The following ACTN1 variants were observed in gnomAD, a reference collection of about 807,000 sequenced individuals.
The protein encoded by ACTN1 is actinin alpha 1.
Under a neutral mutation model 119.6 loss-of-function variants are expected in ACTN1, and 30 were observed. That is an observed-to-expected ratio of 0.25 (90% CI 0.19 to 0.34). The LOEUF (loss-of-function observed/expected upper bound fraction) is 0.34. ACTN1 is among the 10% of genes least tolerant of loss of function. The pLI is 1.00. For synonymous variants in ACTN1, 429 were observed against 472.6 expected, an observed-to-expected ratio of 0.91 and a Z score of 1.20; for missense variants, 764 against 1,223.4, an observed-to-expected ratio of 0.62 and a Z score of 5.60.
At chr14:68,900,407 A>G (rs2140224585) in intron 8 of ACTN1, among the ~76,000 whole-genome samples, 1 of 151,362 alleles carries the variant, frequency 6.6e-6, no homozygotes, top group East Asian at 2.0e-4. Context: ...TCTGGTCTGG[A>G]CTCCCTGGAG....
chr14:68,964,441 C>T (rs11627719), intron 1 of ACTN1, among the ~76,000 whole-genome samples: 9,837 of 152,170 alleles, frequency 0.065, 447 homozygotes, highest in Non-Finnish European at 0.1. Context: ...GTATGGGGCC[C>T]GGGAGGGTGG....
intron 11 of ACTN1, chr14:68,887,779 A>T (rs2032141317): frequency 2.6e-5 from 28 of 1,064,640 alleles, no homozygotes; most frequent in Non-Finnish European, 3.5e-5. Flanking sequence ...GACATGGTAT[A>T]TGGTATTAAT....
At chr14:68,935,883 T>C (rs1480360045) in intron 1 of ACTN1, among the ~76,000 whole-genome samples, 1 of 152,208 alleles carries the variant, frequency 6.6e-6, no homozygotes, top group Non-Finnish European at 1.5e-5. Flanking sequence ...ACTCACGTGC[T>C]GGCCACACCT....
At chr14:68,951,566 G>C (rs111349237) in intron 1 of ACTN1, among the ~76,000 whole-genome samples, 2 of 152,294 alleles carry the variant, frequency 1.3e-5, no homozygotes, top group African/African-American at 4.8e-5. Flanking sequence ...CTAGCTGTGT[G>C]CCCTTGACTC....
At chr14:68,962,536 C>T (rs1274923474) in intron 1 of ACTN1, among the ~76,000 whole-genome samples, 1 of 152,152 alleles carries the variant, frequency 6.6e-6, no homozygotes, top group Non-Finnish European at 1.5e-5. Flanking sequence ...GAGCCCTCCT[C>T]CCTCCACACC....
intron 20 of ACTN1, chr14:68,877,480 G>T: frequency 1.9e-6 from 1 of 517,476 alleles, no homozygotes; most frequent in Non-Finnish European, 3.4e-6. Context: ...AAATAATCAT[G>T]TTGATAATAA....
At chr14:68,975,230 G>A (rs574168999) in intron 1 of ACTN1, among the ~76,000 whole-genome samples, 5 of 152,310 alleles carry the variant, frequency 3.3e-5, no homozygotes, top group East Asian at 1.9e-4. Flanking sequence ...ACTTGCCAAC[G>A]CTGCCTCTCT....
chr14:68,948,412 T>C (rs1481620792), intron 1 of ACTN1, among the ~76,000 whole-genome samples: 2 of 152,098 alleles, frequency 1.3e-5, no homozygotes, highest in African/African-American at 4.8e-5. Flanking sequence ...CCCCCGTCTC[T>C]ACTAAAAATA....
intron 6 of ACTN1, among the ~76,000 whole-genome samples, chr14:68,907,259 TAAAAAAAAAA>T (rs775481921): frequency 2.7e-5 from 2 of 72,984 alleles, no homozygotes; most frequent in African/African-American, 6.1e-5. Flanking sequence ...AAGACTCTCT[TAAAAAAAAAA>T]AAAAAAAAAA....
chr14:68,943,377 C>T (rs1233207476), intron 1 of ACTN1, among the ~76,000 whole-genome samples: 1 of 152,198 alleles, frequency 6.6e-6, no homozygotes, highest in Admixed American at 6.5e-5. Context: ...CAGGACGGGA[C>T]AAGGGGCTTC....
At chr14:68,876,453 C>T (rs1421155600) in intron 21 of ACTN1, among the ~76,000 whole-genome samples, 1 of 151,092 alleles carries the variant, frequency 6.6e-6, no homozygotes, top group Admixed American at 6.6e-5. Context: ...TTCTACAGAT[C>T]CCCTCAGGTC....
intron 1 of ACTN1, among the ~76,000 whole-genome samples, chr14:68,942,247 G>C (rs1027688316): frequency 2.0e-5 from 3 of 152,124 alleles, no homozygotes; most frequent in Non-Finnish European, 2.9e-5. Context: ...AGGCATGATG[G>C]TGCACCCCTA....
chr14:68,881,011 C>A (rs552842730), intron 16 of ACTN1, 22 bp from the exon 17 acceptor site: 3 of 1,612,400 alleles, frequency 1.9e-6, no homozygotes, highest in Non-Finnish European at 8.5e-7. Flanking sequence ...GAAGGAAGCA[C>A]CTTGTCAGAC....
intron 3 of ACTN1, 34 bp downstream of exon 3, chr14:68,920,972 C>G: frequency 6.2e-7 from 1 of 1,609,680 alleles, no homozygotes; most frequent in Non-Finnish European, 8.5e-7. Flanking sequence ...CAAAGAAAAT[C>G]AGGCTCCTTG....
intron 1 of ACTN1, among the ~76,000 whole-genome samples, chr14:68,965,211 T>C (rs2036667083): frequency 6.6e-6 from 1 of 152,228 alleles, no homozygotes; most frequent in Non-Finnish European, 1.5e-5. Context: ...ATGGACCTCA[T>C]CCCTTTATCT....
intron 1 of ACTN1, among the ~76,000 whole-genome samples, chr14:68,944,273 AAGCCGATGAT>A (rs1451908615): frequency 6.6e-6 from 1 of 152,256 alleles, no homozygotes; most frequent in Non-Finnish European, 1.5e-5. Flanking sequence ...AGGGGCCACC[AAGCCGATGAT>A]GTGTGCCAGA....
intron 1 of ACTN1, among the ~76,000 whole-genome samples, chr14:68,948,635 G>A (rs188075716): frequency 2.0e-5 from 3 of 152,162 alleles, no homozygotes; most frequent in East Asian, 1.9e-4. Flanking sequence ...AAACAGGCTC[G>A]AGAGGGTTAA....
chr14:68,894,196 C>T (rs1273656529), intron 8 of ACTN1, among the ~76,000 whole-genome samples: 2 of 152,142 alleles, frequency 1.3e-5, no homozygotes, highest in Non-Finnish European at 2.9e-5. Flanking sequence ...ATCCGGGAGT[C>T]CTGGGATAAA....
rs2037179015 is a variant in ACTN1 at position 68,979,161 on chromosome 14, T to TGGGCG, written c.-106_-105insCGCCC. The TGGGCG allele has an allele frequency of 3.8e-6, 2 of 527,204 alleles. No homozygotes were observed. The highest frequency in any genetic ancestry group is 1.2e-4 in the East Asian group (2 of 16,010). 32.7% of individuals were successfully genotyped at this position (527,204 alleles called of 1,614,324 possible). ...GGAGTAGGGCTGGGCTGGGCTGGGC[T>TGGGCG]GGCGGGGCCGGGCTCGCTCCCCTGC... On this transcript the variant is annotated 5_prime_UTR_variant, in exon 1 of 22. Transcript: ENST00000394419.
Sources: gnomAD v4.1 joint callset for allele counts (sites outside exome capture counted in the v4.1 genomes callset) on GRCh38, gnomAD v4.1.1 for gene constraint, MANE v1.5 for transcripts, NCBI Gene and HGNC (gene_info 2026-07-23, HGNC 2026-07-21) for gene names.